MYBPC2: variants seen among roughly 807,000 people sequenced by gnomAD.
MYBPC2 encodes myosin binding protein C2, also known as myosin-binding protein C, fast-type.
In MYBPC2, 122 loss-of-function variants were observed where a neutral mutation model predicts 137.0. The observed-to-expected ratio is 0.89, with a 90% CI of 0.77 to 1.03. The LOEUF (loss-of-function observed/expected upper bound fraction) is 1.03. Among genes scored for constraint, MYBPC2 ranks in the 50% least tolerant of loss-of-function variants. The probability of loss-of-function intolerance (pLI) is 0.00; values close to 1 mark genes in which losing one functional copy is unlikely to be tolerated. For missense variants in MYBPC2, 1,500 were observed against 1,534.4 expected (o/e 0.98, Z 0.37); for synonymous variants, 626 against 612.3 (o/e 1.02, Z -0.33).
chr19:50,440,887 G>A lies in MYBPC2; in HGVS notation c.580G>A (p.Val194Met), dbSNP rs1008969252. 6.2e-7 allele frequency: 1 copy of A among 1,612,900 alleles called. No individual in the cohort carries two copies. The highest frequency in any genetic ancestry group is 8.5e-7 in the Non-Finnish European group (1 of 1,179,320). Residue 194 changes from valine to methionine, a missense_variant, in exon 8 of 28, where the codon GTG (valine) becomes ATG (methionine). Transcript: ENST00000357701. ...FSGLLKKREVVEEEKKKKKKD... is the reference protein window; with the variant it reads ...FSGLLKKREVMEEEKKKKKKD... ...CGTTCCCCCACCCGCCAGGGAGGTGGTGGAGGAGGAGAAGAAGAAGAAAAA... is the reference window on the plus strand; with the variant it reads ...CGTTCCCCCACCCGCCAGGGAGGTGATGGAGGAGGAGAAGAAGAAGAAAAA...
At chr19:50,437,771 T>G in intron 7 of MYBPC2, 53 bp downstream of exon 7, 1 of 1,556,450 alleles carries the variant, frequency 6.4e-7, no homozygotes, top group South Asian at 1.2e-5. Context: ...GGGGAGGAGG[T>G]GGTGGGTGAA....
chr19:50,453,607 C>T (rs1438103665), intron 16 of MYBPC2, among the ~76,000 whole-genome samples: 1 of 151,520 alleles, frequency 6.6e-6, no homozygotes, highest in Non-Finnish European at 1.5e-5. Context: ...GTGGTGTTAT[C>T]TTGGCTCACC....
At chr19:50,461,790 G>T in intron 25 of MYBPC2, 89 bp downstream of exon 25, 1 of 1,589,294 alleles carries the variant, frequency 6.3e-7, no homozygotes. Context: ...CCTCCCCACT[G>T]GGGTTGACGG....
rs1244480910 is a variant in MYBPC2, at chr19:50,461,933, A to G, written c.3125A>G (p.His1042Arg). ...ITFKPFEYKE[H>R]DFRMAPKFLT... is the part of the protein sequence containing the mutation. ...TTCAAACCGTTCGAGTATAAGGAGCATGACTTCCGGATGGCTCCCAAGTTC... is the reference window on the plus strand; with the variant it reads ...TTCAAACCGTTCGAGTATAAGGAGCGTGACTTCCGGATGGCTCCCAAGTTC... The change falls in exon 26 of 28, where the codon CAT (histidine) becomes CGT (arginine). Residue 1042 changes from histidine (H) to arginine (R), a missense_variant. Physicochemically the swap from His to Arg is conservative, Grantham distance 29. Coordinates refer to ENST00000357701, the MANE Select transcript of MYBPC2 (RefSeq NM_004533.4). The G allele has an allele frequency of 1.3e-6, 2 of 1,596,394 alleles. No individual in the cohort carries two copies. The highest frequency in any genetic ancestry group is 3.3e-4 in the Middle Eastern group (2 of 6,050).
intron 19 of MYBPC2, 64 bp downstream of exon 19, chr19:50,455,360 G>T: frequency 6.4e-7 from 1 of 1,572,496 alleles, no homozygotes; most frequent in Non-Finnish European, 8.7e-7. Context: ...CATCAACCCC[G>T]TCCACCTCTG....
In MYBPC2 at chr19:50,460,165, G is replaced by A. The variant is rs1386979394; in HGVS notation, c.2917G>A (p.Asp973Asn). The A allele has an allele frequency of 2.5e-6, 4 of 1,601,832 alleles. No individual in the cohort carries two copies. The highest frequency in any genetic ancestry group is 3.5e-5 in the Admixed American group (2 of 57,858). Residue 973 changes from aspartate to asparagine, a missense_variant, in exon 24 of 28, where the codon GAC (aspartate) becomes AAC (asparagine). Transcript: ENST00000357701. ...CATGGGGTATTTCGTCCAGAAAGCAGACAAAAAAACCATGGTGAGAGAGCA... is the reference window on the plus strand; with the variant it reads ...CATGGGGTATTTCGTCCAGAAAGCAAACAAAAAAACCATGGTGAGAGAGCA... Reference protein sequence around the residue: ...EIMGYFVQKADKKTMEWFNVY... With the variant: ...EIMGYFVQKANKKTMEWFNVY...
intron 20 of MYBPC2, among the ~76,000 whole-genome samples, chr19:50,457,456 C>T (rs2039923899): frequency 6.6e-6 from 1 of 152,202 alleles, no homozygotes; most frequent in African/African-American, 2.4e-5. Context: ...CACCTGGCTG[C>T]GCCCTCAGAC....
intron 26 of MYBPC2, among the ~76,000 whole-genome samples, chr19:50,463,382 C>T (rs1436211840): frequency 6.6e-6 from 1 of 152,188 alleles, no homozygotes; most frequent in East Asian, 1.9e-4. Flanking sequence ...TCTCTGTATA[C>T]TGTATTCACT....
rs1439007318 is a variant in MYBPC2, at chr19:50,455,596, G to A, written c.2290G>A (p.Gly764Arg). The A allele has an allele frequency of 6.8e-6, 11 of 1,613,990 alleles. No homozygotes were observed. Among genetic ancestry groups the A allele is most frequent in the Non-Finnish European group, 9.3e-6 (11 of 1,179,896 alleles). Residue 764 changes from glycine (G) to arginine (R), a missense_variant, in exon 20 of 28, where the codon GGG (glycine) becomes AGG (arginine). By Grantham distance (125) the Gly-to-Arg change is moderately radical. Transcript: ENST00000357701. ...TLKWRPPNRI[G>R]AGGIDGYLVE... The stretch of plus-strand genomic sequence containing the variant: ...CAAGTGGAGGCCTCCGAACAGGATC[G>A]GGGCAGGTGGCATCGATGGGTACCT...
In MYBPC2 at chr19:50,441,087, G is replaced by A. The variant is rs985518660; in HGVS notation, c.769+11G>A. On this transcript the variant is annotated intron_variant, in intron 8 of 27. Coordinates refer to ENST00000357701, the MANE Select transcript of MYBPC2 (RefSeq NM_004533.4). ...TCAAGAAGAGTGCAGGTCAGCCCTGGTCTGGGGGGAGCTGGGCCCTGCACA... is the reference window on the plus strand; with the variant it reads ...TCAAGAAGAGTGCAGGTCAGCCCTGATCTGGGGGGAGCTGGGCCCTGCACA... The A allele has an allele frequency of 3.2e-6, 5 of 1,576,224 alleles. No homozygotes were observed. The highest frequency in any genetic ancestry group is 2.6e-6 in the Non-Finnish European group (3 of 1,161,514).
chr19:50,458,732 G>T lies in MYBPC2; in HGVS notation c.2484G>T (p.Pro828=). 4 of 1,608,744 alleles carry T rather than the reference G, an allele frequency of 2.5e-6. No homozygotes were observed. The highest frequency in any genetic ancestry group is 2.2e-5 in the East Asian group (1 of 44,874). The change falls in exon 21 of 28, where the codon CCG becomes CCT. Residue 828 remains proline, a synonymous_variant. Transcript: ENST00000357701. The part of the protein sequence containing the change: ...GRSEPATLAQ[P]VTIREIAEPP... ...GCGAGCCGGCCACCCTGGCCCAGCCGGTCACCATCAGGGAGATTGCGGGTG... is the reference window on the plus strand; with the variant it reads ...GCGAGCCGGCCACCCTGGCCCAGCCTGTCACCATCAGGGAGATTGCGGGTG...
chr19:50,437,904 A>T (rs571620684), intron 7 of MYBPC2, among the ~76,000 whole-genome samples, 186 bp downstream of exon 7: 1 of 151,624 alleles, frequency 6.6e-6, no homozygotes, highest in East Asian at 1.9e-4. Context: ...TCATCCACCC[A>T]CCTACCCATT....
At chr19:50,434,168 G>A (rs1303668016) in intron 1 of MYBPC2, among the ~76,000 whole-genome samples, 1 of 152,128 alleles carries the variant, frequency 6.6e-6, no homozygotes, top group Non-Finnish European at 1.5e-5. Flanking sequence ...GGCCAGCCTG[G>A]CCAACATGGC....
intron 24 of MYBPC2, 30 bp downstream of exon 24, chr19:50,460,209 A>G: frequency 6.3e-7 from 1 of 1,583,756 alleles, no homozygotes; most frequent in Non-Finnish European, 8.6e-7. Context: ...GATGGGGAAG[A>G]GCCGGTGAGG....
Position 50,461,924 on chromosome 19 carries a change from A to G in MYBPC2, c.3116A>G (p.Tyr1039Cys), listed in dbSNP as rs757872849. 1 of 1,597,482 alleles carries G rather than the reference A, an allele frequency of 6.3e-7. No individual in the cohort carries two copies. Among genetic ancestry groups the G allele is most frequent in the Non-Finnish European group, 8.5e-7 (1 of 1,171,568 alleles). Residue 1039 changes from tyrosine to cysteine, a missense_variant, in exon 26 of 28, where the codon TAT becomes TGT. Transcript: ENST00000357701. ...KTGITFKPFEYKEHDFRMAPK... is the reference protein window; with the variant it reads ...KTGITFKPFECKEHDFRMAPK... Reference sequence around the variant, plus strand: ...GGAATCACCTTCAAACCGTTCGAGTATAAGGAGCATGACTTCCGGATGGCT... The same window carrying G: ...GGAATCACCTTCAAACCGTTCGAGTGTAAGGAGCATGACTTCCGGATGGCT...
chr19:50,459,099 C>T lies in MYBPC2; in HGVS notation c.2596-12C>T. The T allele has an allele frequency of 6.4e-7, 1 of 1,551,548 alleles. No individual in the cohort carries two copies. Among genetic ancestry groups the T allele is most frequent in the Non-Finnish European group, 8.7e-7 (1 of 1,147,416 alleles). On this transcript the variant is annotated splice_polypyrimidine_tract_variant and intron_variant, in intron 22 of 27. Transcript: ENST00000357701. ...CCCGCTGACCCCACCCCGCCCCGCC[C>T]TCTCCCCGCAGGGAAAGCCCCGGCC... is the stretch of plus-strand genomic sequence containing the variant.
At chr19:50,444,743 G>A (rs982536743) in intron 11 of MYBPC2, among the ~76,000 whole-genome samples, 2 of 151,730 alleles carry the variant, frequency 1.3e-5, no homozygotes, top group African/African-American at 4.8e-5. Context: ...AGCCGGGCGT[G>A]TTGGCGGGCG....
In MYBPC2 at chr19:50,458,502, T is replaced by C. The variant is rs1300383830; in HGVS notation, c.2339-85T>C. ...ACTTACTCAGTGCTCACTCGCTCGC[T>C]GCGTGGGGCCCAAGTCCCCGGGAGA... On this transcript the variant is annotated intron_variant, in intron 20 of 27. Transcript: ENST00000357701. 3 of 1,515,602 alleles carry C rather than the reference T, an allele frequency of 2.0e-6. No individual in the cohort carries two copies. The East Asian group carries it at 7.1e-5, about 36-fold the overall frequency. The allele number at this position is 1,515,602 out of a possible 1,614,324, so 93.9% of individuals were successfully genotyped here.
chr19:50,451,906 A>G lies in MYBPC2; in HGVS notation c.1652A>G (p.Glu551Gly). 1 of 1,588,024 alleles carries G rather than the reference A, an allele frequency of 6.3e-7. No homozygotes were observed. The highest frequency in any genetic ancestry group is 8.6e-7 in the Non-Finnish European group (1 of 1,166,668). Residue 551 changes from glutamate (E) to glycine (G), a missense_variant, in exon 16 of 28, where the codon GAG becomes GGG. Coordinates refer to ENST00000357701, the MANE Select transcript of MYBPC2 (RefSeq NM_004533.4). ...TTGGATTGCTCGGGGAAGACCTCAG[A>G]GAATGCGATTGTGGTTGTGGCTGGA... ...IHLDCSGKTS[E>G]NAIVVVAGNK... is the part of the protein sequence containing the mutation.
Sources: gnomAD v4.1 joint callset for allele counts (sites outside exome capture counted in the v4.1 genomes callset) on GRCh38, gnomAD v4.1.1 for gene constraint, MANE v1.5 for transcripts, NCBI Gene and HGNC (gene_info 2026-07-23, HGNC 2026-07-21) for gene names.